EFCAB11: variants seen among roughly 807,000 people sequenced by gnomAD.
EFCAB11 encodes EF-hand calcium binding domain 11.
A neutral mutation model predicts 23.0 loss-of-function variants in EFCAB11; 14 were observed. That is an observed-to-expected ratio of 0.61 (90% CI 0.40 to 0.95). EFCAB11 has a LOEUF of 0.95. EFCAB11 is among the 40% of genes least tolerant of loss of function. The pLI is 0.00. For missense variants in EFCAB11, 198 were observed against 195.8 expected, an observed-to-expected ratio of 1.01 and a Z score of -0.07; for synonymous variants, 65 against 66.6, an observed-to-expected ratio of 0.98 and a Z score of 0.11.
rs568491177 is a variant in EFCAB11 at position 89,893,722 on chromosome 14, C to A, written c.410+37819G>T. ...CCCAATCCTGCTTCCTTTTCTTCCC[C>A]AAACAGGTATCCATTTCAAGAATAT... is the stretch of plus-strand genomic sequence containing the variant. On this transcript the variant is annotated intron_variant, in intron 5 of 5. Coordinates refer to ENST00000316738, the MANE Select transcript of EFCAB11 (RefSeq NM_145231.4). Among the ~76,000 whole-genome samples, 3 of 150,780 alleles carry A rather than the reference C, an allele frequency of 2.0e-5. No individual in the cohort carries two copies. In the East Asian group the frequency reaches 5.9e-4, roughly 29 times the overall value.
chr14:89,852,080 C>G (rs546006302), intron 5 of EFCAB11, among the ~76,000 whole-genome samples: 117 of 152,228 alleles, frequency 7.7e-4, no homozygotes, highest in Middle Eastern at 3.4e-3. Context: ...GTTGTGCTTC[C>G]AACACATCAC....
At position 89,951,327 on chromosome 14, in the gene EFCAB11, T is replaced by C. The variant is rs554573499; in HGVS notation, c.172-1185A>G. Among the ~76,000 whole-genome samples the C allele has an allele frequency of 2.0e-5, 3 of 152,260 alleles. No individual in the cohort carries two copies. In the South Asian group the frequency reaches 6.2e-4, roughly 32 times the overall value. On this transcript the variant is annotated intron_variant, in intron 2 of 5. Coordinates refer to ENST00000316738, the MANE Select transcript of EFCAB11 (RefSeq NM_145231.4). ...CCACATCCAATCAGTCATCAGGGCC[T>C]AACTTGTCCCACCACCCACAAAGTG...
rs1890434095 is a variant in EFCAB11 at position 89,932,642 on chromosome 14, A to G, written c.218-15T>C. On this transcript the variant is annotated splice_polypyrimidine_tract_variant and intron_variant, in intron 3 of 5. Transcript: ENST00000316738. ...GAGTAATATACCTAAAAGTTGGGGAAAAAACAATTTGTCAAAGATTATTGT... is the reference window on the plus strand; with the variant it reads ...GAGTAATATACCTAAAAGTTGGGGAGAAAACAATTTGTCAAAGATTATTGT... The G allele has an allele frequency of 3.8e-6, 6 of 1,592,486 alleles. No homozygotes were observed. Among genetic ancestry groups the G allele is most frequent in the Non-Finnish European group, 5.2e-6 (6 of 1,161,498 alleles).
chr14:89,850,983 AG>A (rs1463537857), intron 5 of EFCAB11, among the ~76,000 whole-genome samples: 1 of 152,194 alleles, frequency 6.6e-6, no homozygotes, highest in Non-Finnish European at 1.5e-5. Flanking sequence ...GCCTAGGCCC[AG>A]GCTGAACAGA....
intron 3 of EFCAB11, among the ~76,000 whole-genome samples, chr14:89,945,115 C>G (rs930397267): frequency 6.6e-6 from 1 of 151,298 alleles, no homozygotes; most frequent in Non-Finnish European, 1.5e-5. Context: ...TCTCTTTTCC[C>G]CCCCCACTCA....
chr14:89,845,008 A>G (rs572264403), intron 5 of EFCAB11, among the ~76,000 whole-genome samples: 57 of 152,220 alleles, frequency 3.7e-4, no homozygotes, highest in African/African-American at 1.3e-3. Flanking sequence ...ATAAATTGAT[A>G]TTGTTTAGGA....
chr14:89,831,275 G>C (rs982101434), intron 5 of EFCAB11: 4 of 152,228 alleles, frequency 2.6e-5, no homozygotes, highest in African/African-American at 9.6e-5. Flanking sequence ...GAAAACCATG[G>C]GAAAAGCAGG....
chr14:89,876,024 G>A (rs1036907333), intron 5 of EFCAB11, among the ~76,000 whole-genome samples: 4 of 152,164 alleles, frequency 2.6e-5, no homozygotes, highest in African/African-American at 9.7e-5. Context: ...AAGACTGAAG[G>A]GTGAAGGTTA....
intron 5 of EFCAB11, among the ~76,000 whole-genome samples, chr14:89,806,830 A>G (rs975675754): frequency 6.6e-6 from 1 of 152,242 alleles, no homozygotes; most frequent in Non-Finnish European, 1.5e-5. Flanking sequence ...GATGAATCTA[A>G]GCCAGATCTT....
In EFCAB11 at chr14:89,796,942, C is replaced by T. The variant is rs1235479111; in HGVS notation, c.*301G>A. ...GCCTGACTCAGGGCTGCTGGCCACA[C>T]AGAAGGAGACCCCCGGCAGCAACCA... On this transcript the variant is annotated 3_prime_UTR_variant, in exon 6 of 6. Transcript: ENST00000316738. 8 of 204,200 alleles carry T rather than the reference C, an allele frequency of 3.9e-5. No homozygotes were observed. The highest frequency in any genetic ancestry group is 7.1e-5 in the Non-Finnish European group (7 of 98,714). 12.6% of individuals were successfully genotyped at this position (204,200 alleles called of 1,614,324 possible).
chr14:89,936,958 T>C (rs1890606695), intron 3 of EFCAB11, among the ~76,000 whole-genome samples: 2 of 152,206 alleles, frequency 1.3e-5, no homozygotes, highest in Non-Finnish European at 2.9e-5. Context: ...ATATATTACC[T>C]GTGTCCCCTC....
intron 3 of EFCAB11, among the ~76,000 whole-genome samples, chr14:89,939,297 C>A (rs1430817497): frequency 3.3e-5 from 5 of 151,800 alleles, no homozygotes; most frequent in Non-Finnish European, 7.4e-5. Flanking sequence ...AAGTAAAAAT[C>A]CAAGAAGAGT....
chr14:89,819,320 A>C (rs961619818), intron 5 of EFCAB11, among the ~76,000 whole-genome samples: 4 of 147,982 alleles, frequency 2.7e-5, no homozygotes, highest in Non-Finnish European at 4.5e-5. Flanking sequence ...AGTGTCAGAA[A>C]GCTGTTCAGT....
At chr14:89,884,652 A>T (rs1888698722) in intron 5 of EFCAB11, among the ~76,000 whole-genome samples, 1 of 152,210 alleles carries the variant, frequency 6.6e-6, no homozygotes, top group African/African-American at 2.4e-5. Context: ...ATGCCTAGAA[A>T]ACATAAAATA....
At chr14:89,918,832 G>T (rs541897069) in intron 5 of EFCAB11, among the ~76,000 whole-genome samples, 14 of 151,736 alleles carry the variant, frequency 9.2e-5, no homozygotes, top group Non-Finnish European at 1.8e-4. Flanking sequence ...GTACAGGAGG[G>T]GTCAGTGGCA....
chr14:89,865,766 G>A (rs887716125), intron 5 of EFCAB11, among the ~76,000 whole-genome samples: 1 of 152,112 alleles, frequency 6.6e-6, no homozygotes, highest in Non-Finnish European at 1.5e-5. Context: ...CCAGGTTCAT[G>A]GGATTCTCCT....
chr14:89,928,721 T>A (rs1016866121), intron 5 of EFCAB11, among the ~76,000 whole-genome samples: 6 of 146,916 alleles, frequency 4.1e-5, no homozygotes, highest in African/African-American at 1.5e-4. Flanking sequence ...TAATAATATA[T>A]AATTCTGTTG....
intron 5 of EFCAB11, among the ~76,000 whole-genome samples, chr14:89,847,471 G>C (rs185546176): frequency 4.9e-4 from 74 of 152,190 alleles, no homozygotes; most frequent in Non-Finnish European, 7.8e-4. Flanking sequence ...TGGGTGCGGT[G>C]GGTCATGCCT....
At chr14:89,952,591 A>T in intron 2 of EFCAB11, 2 of 985,462 alleles carry the variant, frequency 2.0e-6, no homozygotes, top group Non-Finnish European at 2.4e-6. Flanking sequence ...CTCTGAACCC[A>T]CCTGAGCTGT....
Sources: allele counts gnomAD v4.1 joint callset (sites outside exome capture counted in the v4.1 genomes callset), GRCh38; gene constraint gnomAD v4.1.1; transcripts MANE v1.5; gene names NCBI Gene and HGNC (gene_info 2026-07-23, HGNC 2026-07-21).